The following SNTG1 variants were observed in gnomAD, a reference collection of about 807,000 sequenced individuals.
SNTG1 encodes gamma-1-syntrophin.
SNTG1 carries 39 observed loss-of-function variants against 74.7 expected under a neutral mutation model. The ratio of observed to expected loss-of-function variants is 0.52; its 90% CI spans 0.40 to 0.68. The LOEUF is 0.68. Among genes scored for constraint, SNTG1 ranks in the 30% least tolerant of loss-of-function variants. The pLI, the probability that SNTG1 is intolerant of heterozygous loss-of-function variation, is 0.00. For synonymous variants in SNTG1, 254 were observed against 217.1 expected, an observed-to-expected ratio of 1.17 and a Z score of -1.49; for missense variants, 685 against 609.5, an observed-to-expected ratio of 1.12 and a Z score of -1.30.
chr8:49,925,751 T>C (rs574612007), intron 1 of SNTG1, among the ~76,000 whole-genome samples: 1 of 152,338 alleles, frequency 6.6e-6, no homozygotes, highest in South Asian at 2.1e-4. Flanking sequence ...TTGTTGCCTG[T>C]GCCAGTAGTT....
chr8:50,390,958 A>T (rs1342785330), intron 2 of SNTG1, among the ~76,000 whole-genome samples: 2 of 150,878 alleles, frequency 1.3e-5, no homozygotes, highest in African/African-American at 2.4e-5. Context: ...TATCAGCTTC[A>T]GGAGATTTTG....
chr8:50,100,806 G>A (rs2080093564), intron 1 of SNTG1, among the ~76,000 whole-genome samples: 1 of 151,928 alleles, frequency 6.6e-6, no homozygotes, highest in Non-Finnish European at 1.5e-5. Context: ...TTTAGGTTCA[G>A]GGATCCATGT....
chr8:49,944,684 T>C (rs951923909), intron 1 of SNTG1, among the ~76,000 whole-genome samples: 9 of 150,990 alleles, frequency 6.0e-5, no homozygotes, highest in African/African-American at 1.7e-4. Flanking sequence ...CATGTGTAAC[T>C]AACCTGCACA....
At chr8:50,432,036 C>A (rs2131530020) in intron 4 of SNTG1, among the ~76,000 whole-genome samples, 1 of 152,164 alleles carries the variant, frequency 6.6e-6, no homozygotes, top group South Asian at 2.1e-4. Flanking sequence ...TTAATGTATT[C>A]TCATTTATCA....
In SNTG1 at chr8:49,917,174, G is replaced by A. The variant is rs1172134027; in HGVS notation, c.-103+4943G>A. 2.0e-5 allele frequency among the ~76,000 whole-genome samples: 3 copies of A among 152,078 alleles called. No individual in the cohort carries two copies. The East Asian group carries it at 5.8e-4, about 29-fold the overall frequency. ...ACACACAAAATCTGAGGTTCAACATGGTTTGTCATCAATTGGTTGTGTGGA... is the reference window on the plus strand; with the variant it reads ...ACACACAAAATCTGAGGTTCAACATAGTTTGTCATCAATTGGTTGTGTGGA... On this transcript the variant is annotated intron_variant, in intron 1 of 18. Coordinates refer to ENST00000642720, the MANE Select transcript of SNTG1 (RefSeq NM_018967.5).
intron 8 of SNTG1, among the ~76,000 whole-genome samples, chr8:50,500,155 T>C (rs1177476001): frequency 6.6e-6 from 1 of 151,804 alleles, no homozygotes; most frequent in Non-Finnish European, 1.5e-5. Context: ...TCAGTCCCTC[T>C]TCTTTCTCCT....
At position 50,050,793 on chromosome 8, in the gene SNTG1, A is replaced by G. The variant is rs148246857; in HGVS notation, c.-102-121768A>G. Among the ~76,000 whole-genome samples the G allele has an allele frequency of 5.7e-3, 860 of 152,208 alleles. 2 individuals carry two copies. The highest frequency in any genetic ancestry group is 8.7e-3 in the Non-Finnish European group (593 of 67,948). On this transcript the variant is annotated intron_variant, in intron 1 of 18. Coordinates refer to ENST00000642720, the MANE Select transcript of SNTG1 (RefSeq NM_018967.5). ...TGTAAACACACAAATCTTCAAAGTA[A>G]TACAAGGAATCCAGAAACTTATTTA...
chr8:50,690,353 T>G (rs2095372334), intron 15 of SNTG1, among the ~76,000 whole-genome samples: 1 of 152,202 alleles, frequency 6.6e-6, no homozygotes, highest in African/African-American at 2.4e-5. Flanking sequence ...GTGTCAATTT[T>G]GGATCTTTCC....
At chr8:50,058,212 A>G (rs573096442) in intron 1 of SNTG1, among the ~76,000 whole-genome samples, 1 of 152,314 alleles carries the variant, frequency 6.6e-6, no homozygotes, top group African/African-American at 2.4e-5. Flanking sequence ...GGCTGCAAGC[A>G]TGATCTATGG....
chr8:50,554,795 G>A (rs966343495), intron 12 of SNTG1, among the ~76,000 whole-genome samples: 11 of 152,158 alleles, frequency 7.2e-5, no homozygotes, highest in African/African-American at 2.7e-4. Context: ...AAATACCTGA[G>A]AGTAGGGAAT....
At chr8:50,107,994 C>T (rs2080444934) in intron 1 of SNTG1, among the ~76,000 whole-genome samples, 1 of 152,182 alleles carries the variant, frequency 6.6e-6, no homozygotes, top group African/African-American at 2.4e-5. Context: ...TTTCCCCAAG[C>T]TATATTTTGA....
chr8:50,690,184 C>G (rs1446237293), intron 15 of SNTG1, among the ~76,000 whole-genome samples: 1 of 151,890 alleles, frequency 6.6e-6, no homozygotes, highest in East Asian at 1.9e-4. Context: ...TTTTGTTGAT[C>G]TTTTCAAAAA....
chr8:49,927,090 A>C (rs919718707), intron 1 of SNTG1, among the ~76,000 whole-genome samples: 1 of 152,162 alleles, frequency 6.6e-6, no homozygotes, highest in Non-Finnish European at 1.5e-5. Context: ...CCAAAATCTA[A>C]AACACTGACA....
At chr8:50,371,754 C>T (rs73579272) in intron 2 of SNTG1, among the ~76,000 whole-genome samples, 2,288 of 152,252 alleles carry the variant, frequency 0.015, 61 homozygotes, top group African/African-American at 0.051. Flanking sequence ...TACATCACAT[C>T]TTCCTGGTGA....
At chr8:50,448,860 C>T (rs998740206) in intron 5 of SNTG1, among the ~76,000 whole-genome samples, 1 of 150,330 alleles carries the variant, frequency 6.7e-6, no homozygotes, top group African/African-American at 2.4e-5. Context: ...TGGTGAAACC[C>T]CGTCTCTACT....
At chr8:50,110,834 C>T (rs1048663543) in intron 1 of SNTG1, among the ~76,000 whole-genome samples, 1 of 151,890 alleles carries the variant, frequency 6.6e-6, no homozygotes, top group African/African-American at 2.4e-5. Flanking sequence ...AAAATTGGCC[C>T]CTGGCTAAAT....
At chr8:50,492,569 C>T (rs1287862796) in intron 8 of SNTG1, among the ~76,000 whole-genome samples, 1 of 152,136 alleles carries the variant, frequency 6.6e-6, no homozygotes, top group Non-Finnish European at 1.5e-5. Context: ...CTGTTCTTTG[C>T]CCACTTTTTG....
intron 17 of SNTG1, among the ~76,000 whole-genome samples, chr8:50,738,256 A>G (rs2095533937): frequency 6.6e-6 from 1 of 152,160 alleles, no homozygotes; most frequent in Non-Finnish European, 1.5e-5. Flanking sequence ...GCTTTCCTAT[A>G]CACCAATAAC....
At chr8:50,338,351 C>A (rs1238665799) in intron 2 of SNTG1, among the ~76,000 whole-genome samples, 1 of 151,956 alleles carries the variant, frequency 6.6e-6, no homozygotes, top group East Asian at 1.9e-4. Context: ...TTTCTTTTAC[C>A]AGGGCATCAT....
Sources: gnomAD v4.1 joint callset for allele counts (sites outside exome capture counted in the v4.1 genomes callset) on GRCh38, gnomAD v4.1.1 for gene constraint, MANE v1.5 for transcripts, NCBI Gene and HGNC (gene_info 2026-07-23, HGNC 2026-07-21) for gene names.